Variants in KLF12 observed in about 807,000 individuals in gnomAD.
KLF12 encodes the protein Krueppel-like factor 12.
KLF12 carries 9 observed loss-of-function variants against 37.8 expected under a neutral mutation model. That is an observed-to-expected ratio of 0.24 (90% CI 0.14 to 0.42). The LOEUF is 0.42. Ranked by LOEUF, KLF12 falls within the 10% of genes least tolerant of loss-of-function variation. The pLI, the probability that KLF12 is intolerant of heterozygous loss-of-function variation, is 1.00. For synonymous variants in KLF12, 208 were observed against 202.1 expected, an observed-to-expected ratio of 1.03 and a Z score of -0.25; for missense variants, 411 against 516.0, an observed-to-expected ratio of 0.80 and a Z score of 1.97.
chr13:73,735,951 C>T (rs1303040390), intron 6 of KLF12, among the ~76,000 whole-genome samples: 1 of 132,816 alleles, frequency 7.5e-6, no homozygotes, highest in African/African-American at 2.8e-5. Flanking sequence ...TTCTTTCTTT[C>T]TTTTTCTTTT....
At chr13:74,050,715 A>G (rs992097070) in intron 1 of KLF12, among the ~76,000 whole-genome samples, 18 of 152,236 alleles carry the variant, frequency 1.2e-4, no homozygotes, top group African/African-American at 4.3e-4. Flanking sequence ...GCAAACATCA[A>G]CAAATGAAAT....
chr13:74,215,290 T>A, the KLF12 span, among the ~76,000 whole-genome samples: 2 of 152,070 alleles, frequency 1.3e-5, no homozygotes, highest in African/African-American at 4.8e-5. Flanking sequence ...TACACTTCTA[T>A]TAACTTTTTA....
At chr13:73,961,771 G>A (rs1387794055) in intron 2 of KLF12, among the ~76,000 whole-genome samples, 1 of 152,074 alleles carries the variant, frequency 6.6e-6, no homozygotes, top group East Asian at 1.9e-4. Context: ...ACATCATTAG[G>A]GAATTGCAAA....
chr13:73,843,778 C>T (rs1039679031), intron 4 of KLF12, among the ~76,000 whole-genome samples: 4 of 152,164 alleles, frequency 2.6e-5, no homozygotes, highest in Non-Finnish European at 4.4e-5. Flanking sequence ...TCCCAAATCT[C>T]ATATTCCTAA....
the KLF12 span, among the ~76,000 whole-genome samples, chr13:74,181,590 T>G: frequency 6.6e-6 from 1 of 151,166 alleles, no homozygotes; most frequent in Non-Finnish European, 1.5e-5. Flanking sequence ...TCTCAGCTAC[T>G]TGGGAGGCTG....
At chr13:73,725,080 A>C (rs1369017341) in intron 6 of KLF12, among the ~76,000 whole-genome samples, 1 of 152,160 alleles carries the variant, frequency 6.6e-6, no homozygotes, top group African/African-American at 2.4e-5. Context: ...CAAAACTACA[A>C]GGTTTTAATT....
At chr13:73,994,579 C>T (rs1446946776) in intron 2 of KLF12, among the ~76,000 whole-genome samples, 1 of 151,948 alleles carries the variant, frequency 6.6e-6, no homozygotes, top group Non-Finnish European at 1.5e-5. Flanking sequence ...GGGCATAGGA[C>T]TGCATTTGAC....
At chr13:74,032,352 G>A (rs751625951) in intron 1 of KLF12, among the ~76,000 whole-genome samples, 25 of 152,060 alleles carry the variant, frequency 1.6e-4, no homozygotes, top group Admixed American at 5.9e-4. Context: ...ATACATTTAT[G>A]TAGCCGCATA....
chr13:74,084,102 T>A (rs1875106901), intron 1 of KLF12, among the ~76,000 whole-genome samples: 1 of 152,240 alleles, frequency 6.6e-6, no homozygotes, highest in East Asian at 1.9e-4. Flanking sequence ...AGGTTCACTA[T>A]TAAAAATAAT....
At chr13:74,050,256 G>A (rs953075315) in intron 1 of KLF12, among the ~76,000 whole-genome samples, 3 of 152,118 alleles carry the variant, frequency 2.0e-5, no homozygotes, top group Non-Finnish European at 4.4e-5. Flanking sequence ...AATCCCAAAG[G>A]AAAATTATTT....
At chr13:73,870,195 T>C (rs1418923250) in intron 3 of KLF12, among the ~76,000 whole-genome samples, 2 of 152,176 alleles carry the variant, frequency 1.3e-5, no homozygotes, top group African/African-American at 4.8e-5. Context: ...CAGTTCTTCC[T>C]TCTTATTCAG....
At chr13:74,004,150 T>C (rs1239797100) in intron 1 of KLF12, among the ~76,000 whole-genome samples, 1 of 152,136 alleles carries the variant, frequency 6.6e-6, no homozygotes, top group African/African-American at 2.4e-5. Context: ...TTCCCAAAGG[T>C]GGCTAAACAC....
chr13:73,764,969 C>A lies in KLF12; in HGVS notation c.838G>T (p.Gly280Cys), dbSNP rs1302584442. 7.0e-6 allele frequency: 11 copies of A among 1,573,544 alleles called. No individual in the cohort carries two copies. Among genetic ancestry groups the A allele is most frequent in the Non-Finnish European group, 9.6e-6 (11 of 1,143,622 alleles). ...AACTTTTGATTATTCATTCGATTGC[C>A]CCGGACCCTTGATACTGGGGACGGA... is the stretch of plus-strand genomic sequence containing the variant. Residue 280 changes from glycine (G) to cysteine (C), a missense_variant, in exon 6 of 8, where the codon GGC becomes TGC. Transcript: ENST00000377669.
intron 6 of KLF12, among the ~76,000 whole-genome samples, chr13:73,726,288 T>C (rs985706367): frequency 1.3e-5 from 2 of 152,210 alleles, no homozygotes; most frequent in Non-Finnish European, 2.9e-5. Context: ...TTGTGGCTAA[T>C]AACTTTACTC....
At chr13:73,926,369 T>A (rs1889376453) in intron 3 of KLF12, among the ~76,000 whole-genome samples, 1 of 152,180 alleles carries the variant, frequency 6.6e-6, no homozygotes, top group Admixed American at 6.5e-5. Context: ...GTCCAGATGA[T>A]CGTTAGCATT....
chr13:74,279,985 G>A, the KLF12 span, among the ~76,000 whole-genome samples: 5 of 152,118 alleles, frequency 3.3e-5, no homozygotes, highest in South Asian at 1.0e-3. Context: ...GAATAACTTT[G>A]GTCTGGACAA....
intron 6 of KLF12, among the ~76,000 whole-genome samples, chr13:73,733,708 G>A (rs973090505): frequency 6.6e-6 from 1 of 152,120 alleles, no homozygotes; most frequent in African/African-American, 2.4e-5. Context: ...ACTTGCAATT[G>A]TATGTTTAAC....
chr13:74,040,441 C>T (rs1370283341), intron 1 of KLF12, among the ~76,000 whole-genome samples: 1 of 152,152 alleles, frequency 6.6e-6, no homozygotes, highest in Non-Finnish European at 1.5e-5. Context: ...ATCTGCAGCC[C>T]CGGCCTGGGA....
At chr13:73,886,243 T>C (rs1887218035) in intron 3 of KLF12, among the ~76,000 whole-genome samples, 1 of 152,194 alleles carries the variant, frequency 6.6e-6, no homozygotes, top group Non-Finnish European at 1.5e-5. Context: ...TATAGTTAAA[T>C]AGAAGAGCCA....
Sources: allele counts gnomAD v4.1 joint callset (sites outside exome capture counted in the v4.1 genomes callset), GRCh38; gene constraint gnomAD v4.1.1; transcripts MANE v1.5; gene names NCBI Gene and HGNC (gene_info 2026-07-23, HGNC 2026-07-21).